The following ANO7 variants were observed in gnomAD, a reference collection of about 807,000 sequenced individuals.
ANO7 encodes anoctamin-7.
In ANO7, 114 loss-of-function variants were observed where a neutral mutation model predicts 115.8. The observed-to-expected ratio is 0.98, with a 90% CI of 0.85 to 1.15. The LOEUF is 1.15. ANO7 is among the 50% of genes most tolerant of loss of function. ANO7 has a pLI of 0.00. For missense variants in ANO7, 1,302 were observed against 1,201.2 expected (o/e 1.08, Z -1.24); for synonymous variants, 550 against 498.2 (o/e 1.10, Z -1.38).
Position 241,224,312 on chromosome 2 carries a change from T to G in ANO7, c.*159T>G. 1.3e-6 allele frequency: 1 copy of G among 787,678 alleles called. No individual in the cohort carries two copies. Among genetic ancestry groups the G allele is most frequent in the Non-Finnish European group, 2.0e-6 (1 of 500,130 alleles). The allele number at this position is 787,678 out of a possible 1,614,324, so 48.8% of individuals were successfully genotyped here. ...TTGCCTGCTTCCCCCCAGCGCCGGC[T>G]TCTCTCCTCAGAGCGCCTGTCACTC... On this transcript the variant is annotated 3_prime_UTR_variant, in exon 25 of 25. Coordinates refer to ENST00000674324, the MANE Select transcript of ANO7 (RefSeq NM_001370694.2).
chr2:241,231,104 G>A, the ANO7 span: 1 of 646,484 alleles, frequency 1.5e-6, no homozygotes, highest in Non-Finnish European at 2.6e-6. Flanking sequence ...TCCACTCAGG[G>A]CCGGGCACGG....
At chr2:241,220,137 C>T (rs148031639) in intron 21 of ANO7, among the ~76,000 whole-genome samples, 89 of 152,080 alleles carry the variant, frequency 5.9e-4, no homozygotes, top group African/African-American at 1.9e-3. Context: ...TTGCCTTCTC[C>T]GAGTCTTTTT....
In ANO7 at chr2:241,205,538, G is replaced by T. The variant is rs1334010702; in HGVS notation, c.980+583G>T. Among the ~76,000 whole-genome samples, 58 of 114,420 alleles carry T rather than the reference G, an allele frequency of 5.1e-4. 2 individuals carry two copies. The highest frequency in any genetic ancestry group is 8.3e-3 in the Middle Eastern group (1 of 120). The allele number at this position is 114,420 out of a possible 152,430, so 75.1% of individuals were successfully genotyped here. ...GACAGGTGGACAGGAGTGCTCCAAG[G>T]CTGACACAGGTGGACAGGAGTGCTC... On this transcript the variant is annotated intron_variant, in intron 10 of 24. Transcript: ENST00000674324.
chr2:241,236,604 T>G, the ANO7 span: 2 of 1,613,250 alleles, frequency 1.2e-6, no homozygotes, highest in East Asian at 2.2e-5. Flanking sequence ...GGGGGGCACA[T>G]GGACACATAC....
chr2:241,212,670 T>C lies in ANO7; in HGVS notation c.1728+44T>C, dbSNP rs143047731. 8.5e-3 allele frequency: 13,248 copies of C among 1,559,878 alleles called. 110 individuals carry two copies. The highest frequency in any genetic ancestry group is 0.016 in the South Asian group (1,343 of 85,600). The stretch of plus-strand genomic sequence containing the variant: ...CGGGACTGGGGGATGAGCTGTGTGC[T>C]TCCTCTCACTTCCATTCTTCCATTC... On this transcript the variant is annotated intron_variant, in intron 17 of 24. Coordinates refer to ENST00000674324, the MANE Select transcript of ANO7 (RefSeq NM_001370694.2).
chr2:241,235,914 G>A, the ANO7 span, among the ~76,000 whole-genome samples: 218 of 152,150 alleles, frequency 1.4e-3, 1 homozygote, highest in African/African-American at 4.9e-3. Flanking sequence ...GGCTTTGACC[G>A]ATGCCCATGA....
chr2:241,210,424 C>T (rs760058457), intron 14 of ANO7, 31 bp downstream of exon 14: 38 of 1,613,302 alleles, frequency 2.4e-5, no homozygotes, highest in Non-Finnish European at 3.2e-5. Context: ...TCGGGGGGCC[C>T]TGAGCGGCCC....
At chr2:241,235,541 G>GT in the ANO7 span, 1 of 1,614,046 alleles carries the variant, frequency 6.2e-7, no homozygotes, top group Non-Finnish European at 8.5e-7. Context: ...GCCCAATAAC[G>GT]TAACGGTGAA....
At position 241,200,151 on chromosome 2, in the gene ANO7, C is replaced by A. The variant is rs771718133; in HGVS notation, c.480C>A (p.Asn160Lys). 1.1e-5 allele frequency: 17 copies of A among 1,613,134 alleles called. No individual in the cohort carries two copies. Among genetic ancestry groups the A allele is most frequent in the African/African-American group, 1.3e-5 (1 of 74,938 alleles). The change falls in exon 6 of 25, where the codon AAC becomes AAA. Residue 160 changes from asparagine to lysine, a missense_variant. Physicochemically the swap from Asn to Lys is moderately conservative, Grantham distance 94 (BLOSUM62 0). Transcript: ENST00000674324. ...AGLLAWLGIP[N>K]VLLEVVPDVP... ...TGCTGGCATGGCTGGGCATCCCCAA[C>A]GTCCTGCTGGAGGTTGTGCCAGACG...
At chr2:241,230,718 TGA>T (rs756429671), downstream of ANO7, 11 of 1,583,922 alleles carry the variant, frequency 6.9e-6, no homozygotes, top group East Asian at 6.7e-5. The surrounding 1 kb of genome is among the most constrained non-coding windows in gnomAD (Gnocchi z 5.0). Context: ...GTGCCCCCGG[TGA>T]GAGAGGATTC....
intron 21 of ANO7, among the ~76,000 whole-genome samples, chr2:241,222,339 G>A (rs1233049708): frequency 6.6e-6 from 1 of 152,068 alleles, no homozygotes; most frequent in African/African-American, 2.4e-5. Flanking sequence ...GTTTAGTTCT[G>A]GAAATGTCTC....
chr2:241,214,855 C>G lies in ANO7; in HGVS notation c.1779C>G (p.Ile593Met), dbSNP rs757286409. 1 of 1,612,920 alleles carries G rather than the reference C, an allele frequency of 6.2e-7. No homozygotes were observed. The highest frequency in any genetic ancestry group is 1.1e-5 in the South Asian group (1 of 91,072). ...LIELAQELLVIMVGKQVINNM... is the reference protein window; with the variant it reads ...LIELAQELLVMMVGKQVINNM... ...AGCTGGCACAGGAGCTCCTGGTCAT[C>G]ATGGTGGGCAAGCAGGTCATCAACA... The change falls in exon 18 of 25, where the codon ATC (isoleucine) becomes ATG (methionine). Residue 593 changes from isoleucine to methionine, a missense_variant. By Grantham distance (10) the Ile-to-Met change is conservative (BLOSUM62 1). Transcript: ENST00000674324.
At chr2:241,193,908 G>A (rs544640007) in intron 3 of ANO7, among the ~76,000 whole-genome samples, 3 of 151,870 alleles carry the variant, frequency 2.0e-5, no homozygotes, top group East Asian at 3.9e-4. Flanking sequence ...ACAGAGTTTC[G>A]CTCTTGTTGC....
In ANO7 at chr2:241,214,972, C is replaced by A. The variant is rs541188437; in HGVS notation, c.1826+70C>A. 3 of 1,394,958 alleles carry A rather than the reference C, an allele frequency of 2.2e-6. No individual in the cohort carries two copies. In the Admixed American group the frequency reaches 5.9e-5, roughly 27 times the overall value. 86.4% of individuals were successfully genotyped at this position (1,394,958 alleles called of 1,614,324 possible). A position where few individuals can be genotyped will look rare whatever the true frequency, so the allele number is the denominator to read the frequency against. On this transcript the variant is annotated intron_variant, in intron 18 of 24. Coordinates refer to ENST00000674324, the MANE Select transcript of ANO7 (RefSeq NM_001370694.2). ...ACCCCAGAGCACCTGGCAGTAGCAGCCTCCAGCCCGGCCCTAGCTGGGAGA... is the reference window on the plus strand; with the variant it reads ...ACCCCAGAGCACCTGGCAGTAGCAGACTCCAGCCCGGCCCTAGCTGGGAGA...
Position 241,209,499 on chromosome 2 carries a change from A to T in ANO7, c.1223A>T (p.Glu408Val), listed in dbSNP as rs1391185901. 2.7e-5 allele frequency: 43 copies of T among 1,594,856 alleles called. No homozygotes were observed. The highest frequency in any genetic ancestry group is 3.6e-5 in the Non-Finnish European group (42 of 1,170,622). The change falls in exon 13 of 25, where the codon GAG (glutamate) becomes GTG (valine). Residue 408 changes from glutamate (E) to valine (V), a missense_variant and splice_region_variant. Glu to Val is a moderately radical substitution (Grantham distance 121). Coordinates refer to ENST00000674324, the MANE Select transcript of ANO7 (RefSeq NM_001370694.2). ...CACTGAGCACCGGCTCCCTTCCAGG[A>T]GAGGCCTCGGCCCCAGTTTGCCGCC... ...WDCSDYEDTE[E>V]RPRPQFAASA...
intron 3 of ANO7, among the ~76,000 whole-genome samples, chr2:241,195,140 A>G (rs1031882263): frequency 1.3e-5 from 2 of 152,038 alleles, no homozygotes; most frequent in African/African-American, 4.8e-5. Context: ...TCAAATGCCC[A>G]TTCGCCTCAC....
At chr2:241,230,007 C>A, downstream of ANO7, 1 of 1,570,982 alleles carries the variant, frequency 6.4e-7, no homozygotes, top group South Asian at 1.2e-5. The surrounding 1 kb of genome is among the most constrained non-coding windows in gnomAD (Gnocchi z 5.0). Context: ...CCCAGCACCC[C>A]CAGCATCCCG....
intron 16 of ANO7, 27 bp from the exon 17 acceptor site, chr2:241,212,545 A>G (rs75033904): frequency 1.2e-6 from 2 of 1,609,646 alleles, no homozygotes; most frequent in Non-Finnish European, 1.7e-6. Context: ...GATCCCATCA[A>G]GGCTCATGAT....
intron 5 of ANO7, 105 bp downstream of exon 5, chr2:241,199,528 G>A: frequency 8.9e-7 from 1 of 1,122,094 alleles, no homozygotes; most frequent in Non-Finnish European, 1.3e-6. Flanking sequence ...CTGCTCAGAG[G>A]CCTCAGGGGC....
Sources: gnomAD v4.1 joint callset for allele counts (sites outside exome capture counted in the v4.1 genomes callset) on GRCh38, gnomAD v4.1.1 for gene constraint, Gnocchi (gnomAD v3.1) non-coding constraint, MANE v1.5 for transcripts, NCBI Gene and HGNC (gene_info 2026-07-23, HGNC 2026-07-21) for gene names.